The following PDE1C variants were observed in gnomAD, a reference collection of about 807,000 sequenced individuals.
The protein encoded by PDE1C is phosphodiesterase 1C.
Under a neutral mutation model 93.1 loss-of-function variants are expected in PDE1C, and 62 were observed. The ratio of observed to expected loss-of-function variants is 0.67; its 90% CI spans 0.54 to 0.82. The LOEUF (loss-of-function observed/expected upper bound fraction) is 0.82, where lower values mean the gene tolerates loss of function less well. Among genes scored for constraint, PDE1C ranks in the 40% least tolerant of loss-of-function variants. PDE1C has a pLI of 0.00. For synonymous variants in PDE1C, 325 were observed against 310.1 expected (o/e 1.05, Z -0.50); for missense variants, 742 against 884.6 (o/e 0.84, Z 2.04).
chr7:32,103,238 A>G (rs988137509), intron 3 of PDE1C, among the ~76,000 whole-genome samples: 1 of 152,172 alleles, frequency 6.6e-6, no homozygotes, highest in Non-Finnish European at 1.5e-5. Flanking sequence ...GGGAGAAGGT[A>G]AAATATGGCT....
chr7:32,279,517 C>T (rs1811492784), intron 1 of PDE1C, among the ~76,000 whole-genome samples: 1 of 152,028 alleles, frequency 6.6e-6, no homozygotes, highest in South Asian at 2.1e-4. Context: ...GAAAGATTTG[C>T]TAATTACCCT....
chr7:32,218,334 A>G (rs957555323), intron 1 of PDE1C, among the ~76,000 whole-genome samples: 2 of 152,246 alleles, frequency 1.3e-5, no homozygotes, highest in African/African-American at 2.4e-5. Context: ...AAATAAAACT[A>G]ATTTGTAGTT....
intron 3 of PDE1C, among the ~76,000 whole-genome samples, chr7:32,100,021 C>T (rs1037455014): frequency 6.6e-6 from 1 of 152,144 alleles, no homozygotes; most frequent in Non-Finnish European, 1.5e-5. Context: ...ACTGCACTCA[C>T]ATTGAAAAAA....
the PDE1C span, among the ~76,000 whole-genome samples, chr7:31,629,027 GGC>G: frequency 6.6e-6 from 1 of 151,914 alleles, no homozygotes; most frequent in East Asian, 1.9e-4. Flanking sequence ...CAAAAAAATT[GGC>G]GTTACAAAAT....
intron 5 of PDE1C, among the ~76,000 whole-genome samples, chr7:31,875,790 C>CATATAT (rs1562955950): frequency 8.3e-5 from 2 of 24,138 alleles, no homozygotes; most frequent in Non-Finnish European, 1.6e-4. Context: ...TAGAAGCTTA[C>CATATAT]ATCTATATAT....
chr7:31,890,277 T>A, intron 2 of PDE1C, among the ~76,000 whole-genome samples: 1 of 152,248 alleles, frequency 6.6e-6, no homozygotes, highest in East Asian at 1.9e-4. Flanking sequence ...CAGCTATTCA[T>A]GTGGAAAGAA....
chr7:31,875,831 A>G (rs12531857), intron 5 of PDE1C, among the ~76,000 whole-genome samples: 6,371 of 89,586 alleles, frequency 0.071, 614 homozygotes, highest in Middle Eastern at 0.086. Flanking sequence ...ATATATATAT[A>G]TATAATGGAA....
chr7:31,973,246 C>A (rs1163614182), intron 2 of PDE1C, among the ~76,000 whole-genome samples: 8 of 152,064 alleles, frequency 5.3e-5, no homozygotes, highest in Non-Finnish European at 8.8e-5. Context: ...ACAGTCATAT[C>A]ATTGGAATCT....
Position 31,847,727 on chromosome 7 carries a change from A to G in PDE1C, c.980+241T>C, listed in dbSNP as rs77562257. On this transcript the variant is annotated intron_variant, in intron 9 of 17. Coordinates refer to ENST00000396191, the MANE Select transcript of PDE1C (RefSeq NM_001191057.4). ...AAGATGGCAAAATAAAGTAGTTGGAACTTAATCATAACATTCCATAGCCTT... is the reference window on the plus strand; with the variant it reads ...AAGATGGCAAAATAAAGTAGTTGGAGCTTAATCATAACATTCCATAGCCTT... The G allele has an allele frequency of 4.9e-3, 2,154 of 436,392 alleles. 40 individuals carry two copies. The highest frequency in any genetic ancestry group is 0.039 in the African/African-American group (1,939 of 49,784). 27.0% of individuals were successfully genotyped at this position (436,392 alleles called of 1,614,324 possible).
At chr7:32,137,681 G>A (rs908196233) in intron 3 of PDE1C, among the ~76,000 whole-genome samples, 4 of 152,018 alleles carry the variant, frequency 2.6e-5, no homozygotes, top group African/African-American at 7.2e-5. Flanking sequence ...CAATTTATTC[G>A]ACCTATTATT....
At chr7:32,089,136 CTCT>C (rs769704506) in intron 3 of PDE1C, among the ~76,000 whole-genome samples, 1 of 152,176 alleles carries the variant, frequency 6.6e-6, no homozygotes, top group Non-Finnish European at 1.5e-5. Context: ...ATCGCAAAGT[CTCT>C]TCTTTCCCTA....
At chr7:31,872,978 T>C (rs1425651843) in intron 6 of PDE1C, among the ~76,000 whole-genome samples, 5 of 152,100 alleles carry the variant, frequency 3.3e-5, no homozygotes, top group African/African-American at 1.2e-4. Flanking sequence ...CACAAAGTCA[T>C]GTGGAAATGA....
the PDE1C span, among the ~76,000 whole-genome samples, chr7:31,671,852 C>T: frequency 6.6e-6 from 1 of 152,162 alleles, no homozygotes; most frequent in African/African-American, 2.4e-5. Flanking sequence ...GGAACCAGGG[C>T]ACAAAGCCCA....
At chr7:31,812,330 T>G in intron 15 of PDE1C, among the ~76,000 whole-genome samples, 1 of 152,146 alleles carries the variant, frequency 6.6e-6, no homozygotes, top group East Asian at 1.9e-4. Context: ...CAAAATGAAT[T>G]ATTATTTCCA....
chr7:31,940,502 T>C (rs536538128), intron 2 of PDE1C, among the ~76,000 whole-genome samples: 27 of 152,070 alleles, frequency 1.8e-4, no homozygotes, highest in Non-Finnish European at 3.5e-4. Flanking sequence ...AGCCCCAGAA[T>C]ACAAACAGGC....
chr7:31,617,704 C>T, the PDE1C span, among the ~76,000 whole-genome samples: 1 of 151,796 alleles, frequency 6.6e-6, no homozygotes. Flanking sequence ...ATTAGTGCTC[C>T]CTCCGACCCC....
intron 2 of PDE1C, among the ~76,000 whole-genome samples, chr7:32,190,358 C>T (rs1407083477): frequency 6.6e-6 from 1 of 152,176 alleles, no homozygotes; most frequent in Admixed American, 6.5e-5. Flanking sequence ...CTAATGCACA[C>T]CATGGCAAGA....
At chr7:31,681,877 A>C in the PDE1C span, among the ~76,000 whole-genome samples, 1 of 152,222 alleles carries the variant, frequency 6.6e-6, no homozygotes, top group Non-Finnish European at 1.5e-5. Flanking sequence ...GGAAGTCAGC[A>C]CCAGTAACCA....
At chr7:32,258,796 A>G (rs1400894650) in intron 1 of PDE1C, among the ~76,000 whole-genome samples, 1 of 152,142 alleles carries the variant, frequency 6.6e-6, no homozygotes, top group Non-Finnish European at 1.5e-5. Context: ...TCTTTTACCC[A>G]AGGGTATCTT....
Sources: allele counts gnomAD v4.1 joint callset (sites outside exome capture counted in the v4.1 genomes callset), GRCh38; gene constraint gnomAD v4.1.1; transcripts MANE v1.5; gene names NCBI Gene and HGNC (gene_info 2026-07-23, HGNC 2026-07-21).